Variants in KIRREL1 observed in about 807,000 individuals in gnomAD.
KIRREL1 encodes the protein kin of IRRE-like protein 1.
In KIRREL1, 25 loss-of-function variants were observed where a neutral mutation model predicts 83.3. That is an observed-to-expected ratio of 0.30 (90% CI 0.22 to 0.42). The LOEUF is 0.42. Among genes scored for constraint, KIRREL1 ranks in the 10% least tolerant of loss-of-function variants. The pLI, the probability that KIRREL1 is intolerant of heterozygous loss-of-function variation, is 1.00. For missense variants in KIRREL1, 812 were observed against 1,032.3 expected (o/e 0.79, Z 2.92); for synonymous variants, 388 against 410.4 (o/e 0.95, Z 0.66).
intron 1 of KIRREL1, among the ~76,000 whole-genome samples, chr1:158,074,422 G>A (rs998397186): frequency 2.0e-5 from 3 of 152,166 alleles, no homozygotes; most frequent in African/African-American, 4.8e-5. Context: ...GATGGATGTC[G>A]GATGTTCAGG....
intron 1 of KIRREL1, among the ~76,000 whole-genome samples, chr1:158,052,252 C>A (rs991590261): frequency 2.6e-5 from 4 of 152,154 alleles, no homozygotes; most frequent in Non-Finnish European, 5.9e-5. Context: ...GCCCCTGAGC[C>A]CTTGCTAACA....
intron 1 of KIRREL1, among the ~76,000 whole-genome samples, chr1:157,996,076 G>A (rs1371863535): frequency 1.3e-5 from 2 of 150,660 alleles, no homozygotes; most frequent in Non-Finnish European, 3.0e-5. Context: ...GAATGATGGT[G>A]GGGGAATAGG....
At chr1:158,005,083 CTG>C (rs1659477881) in intron 1 of KIRREL1, among the ~76,000 whole-genome samples, 1 of 152,140 alleles carries the variant, frequency 6.6e-6, no homozygotes, top group Admixed American at 6.5e-5. Flanking sequence ...CTCACAAAGT[CTG>C]GGGTCAGATG....
At chr1:158,019,445 T>C (rs1204216865) in intron 1 of KIRREL1, among the ~76,000 whole-genome samples, 2 of 152,178 alleles carry the variant, frequency 1.3e-5, no homozygotes, top group Non-Finnish European at 2.9e-5. Context: ...TTTTGGCAGA[T>C]ACTCTTTGGG....
intron 11 of KIRREL1, among the ~76,000 whole-genome samples, chr1:158,092,951 C>T (rs186633258): frequency 1.9e-3 from 290 of 151,150 alleles, no homozygotes; most frequent in African/African-American, 6.6e-3. Context: ...TGTCGGAACA[C>T]GGGTGGCAGA....
At chr1:158,015,346 C>T (rs907755653) in intron 1 of KIRREL1, among the ~76,000 whole-genome samples, 4 of 152,136 alleles carry the variant, frequency 2.6e-5, no homozygotes, top group East Asian at 1.9e-4. Flanking sequence ...CGCTCCTGCC[C>T]GCTGTTATCA....
At chr1:158,083,703 A>T (rs1367808173) in intron 3 of KIRREL1, among the ~76,000 whole-genome samples, 2 of 152,092 alleles carry the variant, frequency 1.3e-5, no homozygotes, top group African/African-American at 4.8e-5. Context: ...AGGATGGGAG[A>T]AGTGCTATGG....
chr1:158,091,599 T>C, intron 11 of KIRREL1, 43 bp downstream of exon 11: 1 of 1,577,496 alleles, frequency 6.3e-7, no homozygotes, highest in South Asian at 1.1e-5. Flanking sequence ...CAGAGCAGCC[T>C]GAGGATTCTG....
At chr1:158,019,129 G>T (rs1056870880) in intron 1 of KIRREL1, among the ~76,000 whole-genome samples, 2 of 152,146 alleles carry the variant, frequency 1.3e-5, no homozygotes, top group African/African-American at 2.4e-5. Context: ...TCAGCCTATA[G>T]CGGACACGGA....
chr1:158,079,510 G>A (rs774652820), intron 3 of KIRREL1, among the ~76,000 whole-genome samples: 3 of 152,156 alleles, frequency 2.0e-5, no homozygotes, highest in Admixed American at 6.5e-5. Flanking sequence ...TAGTAGAGAC[G>A]GTGTTTCACC....
At chr1:158,088,669 A>T (rs1293073140) in intron 8 of KIRREL1, among the ~76,000 whole-genome samples, 1 of 151,174 alleles carries the variant, frequency 6.6e-6, no homozygotes, top group African/African-American at 2.4e-5. Flanking sequence ...TATTTTTAGT[A>T]GAGACGGGGT....
intron 1 of KIRREL1, among the ~76,000 whole-genome samples, chr1:158,027,863 T>C (rs1660215812): frequency 6.6e-6 from 1 of 152,148 alleles, no homozygotes; most frequent in Non-Finnish European, 1.5e-5. Context: ...AAATTACTTC[T>C]TATTAGGGTG....
In KIRREL1 at chr1:158,081,003, T is replaced by A. The variant is rs1474211400; in HGVS notation, c.352+2863T>A. 6.0e-5 allele frequency among the ~76,000 whole-genome samples: 6 copies of A among 99,802 alleles called. 1 individual carries two copies. The highest frequency in any genetic ancestry group is 2.0e-4 in the African/African-American group (6 of 29,326). 65.5% of individuals were successfully genotyped at this position (99,802 alleles called of 152,430 possible). Reference sequence around the variant, plus strand: ...ATGATGTCAGCCTTATAGACTCCTCTCCTCCCCAGCCATCCCCCTCAGCAG... The same window carrying A: ...ATGATGTCAGCCTTATAGACTCCTCACCTCCCCAGCCATCCCCCTCAGCAG... On this transcript the variant is annotated intron_variant, in intron 3 of 14. Transcript: ENST00000359209.
At chr1:157,995,545 G>A (rs1228151497) in intron 1 of KIRREL1, among the ~76,000 whole-genome samples, 1 of 152,168 alleles carries the variant, frequency 6.6e-6, no homozygotes, top group Admixed American at 6.5e-5. Flanking sequence ...ATTGGTCTAT[G>A]TTGGGGGCAA....
intron 3 of KIRREL1, among the ~76,000 whole-genome samples, chr1:158,081,553 G>A (rs1276384591): frequency 6.6e-6 from 1 of 152,178 alleles, no homozygotes; most frequent in Non-Finnish European, 1.5e-5. Flanking sequence ...ACAGACTCAG[G>A]GGCACATGAG....
At chr1:158,009,243 A>C (rs1571531969) in intron 1 of KIRREL1, among the ~76,000 whole-genome samples, 1 of 152,100 alleles carries the variant, frequency 6.6e-6, no homozygotes. Context: ...TTCCCTGGAC[A>C]TATTGAATTT....
intron 4 of KIRREL1, among the ~76,000 whole-genome samples, chr1:158,085,458 C>G (rs1661987067): frequency 6.6e-6 from 1 of 152,218 alleles, no homozygotes; most frequent in Non-Finnish European, 1.5e-5. Context: ...AATGATAATT[C>G]AGCCTCAGTG....
chr1:158,031,607 C>T (rs1171781406), intron 1 of KIRREL1, among the ~76,000 whole-genome samples: 1 of 152,202 alleles, frequency 6.6e-6, no homozygotes, highest in Non-Finnish European at 1.5e-5. Context: ...TACTTACCTG[C>T]TGTGTCCAAA....
At chr1:158,001,362 A>G (rs1659355534) in intron 1 of KIRREL1, among the ~76,000 whole-genome samples, 2 of 152,178 alleles carry the variant, frequency 1.3e-5, no homozygotes, top group African/African-American at 2.4e-5. Context: ...TCTTTCACCA[A>G]ATCAGGAGAA....
Sources: gnomAD v4.1 joint callset for allele counts (sites outside exome capture counted in the v4.1 genomes callset) on GRCh38, gnomAD v4.1.1 for gene constraint, MANE v1.5 for transcripts, NCBI Gene and HGNC (gene_info 2026-07-23, HGNC 2026-07-21) for gene names.